TTC28: variants seen among roughly 807,000 people sequenced by gnomAD.
TTC28 encodes tetratricopeptide repeat domain 28, also known as tetratricopeptide repeat protein 28.
A neutral mutation model predicts 198.0 loss-of-function variants in TTC28; 61 were observed. The observed-to-expected ratio is 0.31, with a 90% CI of 0.25 to 0.38. The LOEUF (loss-of-function observed/expected upper bound fraction) is 0.38. TTC28 is among the 10% of genes least tolerant of loss of function. The pLI is 1.00. For missense variants in TTC28, 2,678 were observed against 3,164.0 expected, an observed-to-expected ratio of 0.85 and a Z score of 3.69; for synonymous variants, 1,171 against 1,297.8, an observed-to-expected ratio of 0.90 and a Z score of 2.10.
chr22:28,237,338 A>C (rs1446776134), intron 5 of TTC28, among the ~76,000 whole-genome samples: 1 of 152,234 alleles, frequency 6.6e-6, no homozygotes, highest in Non-Finnish European at 1.5e-5. Context: ...GTTACATTCC[A>C]TTCTTAGGAG....
chr22:28,153,755 T>C (rs1035200002), intron 6 of TTC28, among the ~76,000 whole-genome samples: 1 of 152,218 alleles, frequency 6.6e-6, no homozygotes, highest in African/African-American at 2.4e-5. Context: ...TTCCCTTTTC[T>C]TTCCAAATAA....
chr22:28,051,106 G>A (rs1940069382), intron 12 of TTC28, among the ~76,000 whole-genome samples: 1 of 152,150 alleles, frequency 6.6e-6, no homozygotes. Flanking sequence ...CGGGGGTAGG[G>A]AAGTTATTTT....
intron 5 of TTC28, among the ~76,000 whole-genome samples, chr22:28,210,502 C>A (rs1012089769): frequency 9.9e-5 from 15 of 152,218 alleles, no homozygotes; most frequent in Admixed American, 4.6e-4. Flanking sequence ...ACACAAGCTT[C>A]AGCAGCCGAC....
At chr22:28,414,735 G>C (rs1370154492) in intron 2 of TTC28, among the ~76,000 whole-genome samples, 1 of 152,186 alleles carries the variant, frequency 6.6e-6, no homozygotes, top group African/African-American at 2.4e-5. Flanking sequence ...CAAAAGAAAA[G>C]TGAATACGCA....
At chr22:28,018,306 CGGG>C (rs138682) in intron 13 of TTC28, among the ~76,000 whole-genome samples, 1 of 49,192 alleles carries the variant, frequency 2.0e-5, no homozygotes, top group African/African-American at 6.0e-5. Flanking sequence ...TGTGCGCGCG[CGGG>C]GGGGGGGGCG....
intron 12 of TTC28, among the ~76,000 whole-genome samples, chr22:28,050,831 C>T (rs1255763343): frequency 6.6e-6 from 1 of 152,134 alleles, no homozygotes; most frequent in Non-Finnish European, 1.5e-5. Flanking sequence ...CGAATGCCCC[C>T]CTCAGAGTTG....
Position 28,477,451 on chromosome 22 carries a change from T to C in TTC28, c.381+152101A>G, listed in dbSNP as rs538890230. On this transcript the variant is annotated intron_variant, in intron 2 of 22. Transcript: ENST00000397906. ...CCCTCATTAACACATTCCAGCCACA[T>C]TGGCCTTCTCAATGTTTGTTAGAAA... Among the ~76,000 whole-genome samples the C allele has an allele frequency of 4.9e-4, 75 of 152,304 alleles. 1 individual carries two copies. Among genetic ancestry groups the C allele is most frequent in the Non-Finnish European group, 8.8e-4 (60 of 68,028 alleles).
intron 2 of TTC28, among the ~76,000 whole-genome samples, chr22:28,523,871 G>A (rs2048956253): frequency 6.6e-6 from 1 of 152,142 alleles, no homozygotes; most frequent in South Asian, 2.1e-4. Flanking sequence ...CTTAATAAAT[G>A]CCAAGCACAG....
At position 28,043,242 on chromosome 22, in the gene TTC28, C is replaced by CAAAAAAAAAAAAAAAAAAAAA. The variant is rs11362041; in HGVS notation, c.3933-12897_3933-12877dup. ...TGCATAACAGAGTAAGACTCCATCTCAAAAAAAAAAAAAAAAAAAAAAAAA... is the reference window on the plus strand; with the variant it reads ...TGCATAACAGAGTAAGACTCCATCTCAAAAAAAAAAAAAAAAAAAAAAAAAAAAAAAAAAAAAAAAAAAAAA... On this transcript the variant is annotated intron_variant, in intron 12 of 22. Coordinates refer to ENST00000397906, the MANE Select transcript of TTC28 (RefSeq NM_001145418.2). Among the ~76,000 whole-genome samples the CAAAAAAAAAAAAAAAAAAAAA allele has an allele frequency of 4.7e-4, 31 of 65,568 alleles. 3 individuals are homozygous for CAAAAAAAAAAAAAAAAAAAAA. The highest frequency in any genetic ancestry group is 7.9e-4 in the African/African-American group (13 of 16,412). The allele number at this position is 65,568 out of a possible 152,430, so 43.0% of individuals were successfully genotyped here.
chr22:28,170,175 T>C (rs946950114), intron 5 of TTC28, among the ~76,000 whole-genome samples: 4 of 152,080 alleles, frequency 2.6e-5, no homozygotes, highest in Admixed American at 6.6e-5. Flanking sequence ...ACCTCTGTCA[T>C]ATAGGAAAAT....
intron 2 of TTC28, among the ~76,000 whole-genome samples, chr22:28,506,876 A>G (rs2048620615): frequency 6.6e-6 from 1 of 152,244 alleles, no homozygotes; most frequent in African/African-American, 2.4e-5. Context: ...CAACATCAAC[A>G]AAACAGACCC....
chr22:28,283,962 C>A (rs1420832289), intron 5 of TTC28, among the ~76,000 whole-genome samples: 1 of 152,140 alleles, frequency 6.6e-6, no homozygotes, highest in Admixed American at 6.5e-5. Flanking sequence ...CTTTATATGA[C>A]AACTTCTCCA....
chr22:27,996,509 A>G, intron 16 of TTC28: 1 of 485,436 alleles, frequency 2.1e-6, no homozygotes. Context: ...ATTTTGCAGA[A>G]AGGAGCCGAG....
intron 5 of TTC28, among the ~76,000 whole-genome samples, chr22:28,242,087 T>C (rs1233208841): frequency 6.6e-6 from 1 of 152,174 alleles, no homozygotes; most frequent in Non-Finnish European, 1.5e-5. Context: ...TAGCAGAAAC[T>C]ATTTCGGGGG....
chr22:28,336,233 C>T (rs550480939), intron 2 of TTC28, among the ~76,000 whole-genome samples: 3 of 152,242 alleles, frequency 2.0e-5, no homozygotes, highest in South Asian at 2.1e-4. Context: ...CTGCTGGATT[C>T]GGTTTGCCAG....
intron 2 of TTC28, among the ~76,000 whole-genome samples, chr22:28,347,001 G>A (rs748653592): frequency 5.5e-4 from 83 of 152,266 alleles, no homozygotes; most frequent in Non-Finnish European, 9.6e-4. Flanking sequence ...GGTGGCTCAT[G>A]CCTGTAATCC....
chr22:28,505,860 C>T (rs2048604675), intron 2 of TTC28, among the ~76,000 whole-genome samples: 1 of 152,220 alleles, frequency 6.6e-6, no homozygotes, highest in Non-Finnish European at 1.5e-5. Flanking sequence ...CGCCAAACAG[C>T]AACAGGCTGG....
At chr22:28,346,490 G>A (rs1318680857) in intron 2 of TTC28, among the ~76,000 whole-genome samples, 1 of 152,140 alleles carries the variant, frequency 6.6e-6, no homozygotes, top group Non-Finnish European at 1.5e-5. Context: ...CTAGAGTTTG[G>A]CAGGAGGAGA....
intron 2 of TTC28, among the ~76,000 whole-genome samples, chr22:28,411,395 C>T (rs953601915): frequency 6.6e-6 from 1 of 152,158 alleles, no homozygotes; most frequent in Non-Finnish European, 1.5e-5. Flanking sequence ...TAAAAGAAAG[C>T]TTATTCCAAG....
Sources: allele counts gnomAD v4.1 joint callset (sites outside exome capture counted in the v4.1 genomes callset), GRCh38; gene constraint gnomAD v4.1.1; transcripts MANE v1.5; gene names NCBI Gene and HGNC (gene_info 2026-07-23, HGNC 2026-07-21).